CCDC141: variants seen among roughly 807,000 people sequenced by gnomAD.
CCDC141 encodes the protein coiled-coil domain-containing protein 141.
CCDC141 carries 168 observed loss-of-function variants against 181.0 expected under a neutral mutation model. The ratio of observed to expected loss-of-function variants is 0.93; its 90% CI spans 0.82 to 1.05. The LOEUF is 1.05. CCDC141 is among the 50% of genes least tolerant of loss of function. CCDC141 has a pLI of 0.00. For synonymous variants in CCDC141, 666 were observed against 642.3 expected, an observed-to-expected ratio of 1.04 and a Z score of -0.56; for missense variants, 1,902 against 1,788.5, an observed-to-expected ratio of 1.06 and a Z score of -1.14.
At chr2:179,034,314 T>C (rs939262838) in intron 2 of CCDC141, among the ~76,000 whole-genome samples, 1 of 152,102 alleles carries the variant, frequency 6.6e-6, no homozygotes, top group East Asian at 1.9e-4. Context: ...AATGGACACA[T>C]GGAGGGGAAC....
downstream of CCDC141, among the ~76,000 whole-genome samples, chr2:178,829,538 C>G (rs926721718): frequency 2.0e-5 from 3 of 152,206 alleles, no homozygotes; most frequent in Non-Finnish European, 4.4e-5. Context: ...CTGTGTGCTT[C>G]CTGTTTTTGA....
At chr2:178,928,473 T>C (rs1244922319) in intron 6 of CCDC141, among the ~76,000 whole-genome samples, 2 of 152,274 alleles carry the variant, frequency 1.3e-5, no homozygotes, top group Non-Finnish European at 2.9e-5. Flanking sequence ...ATTATCATGA[T>C]AGCAAAATAC....
intron 10 of CCDC141, among the ~76,000 whole-genome samples, 166 bp from the exon 11 acceptor site, chr2:178,885,258 A>AAG (rs1553477970): frequency 2.6e-5 from 4 of 151,630 alleles, no homozygotes; most frequent in African/African-American, 9.7e-5. Context: ...AAAAAAAAAA[A>AAG]GGGCACTTTA....
rs1295867575 is a variant in CCDC141, at chr2:178,975,138, C to T, written c.445G>A (p.Asp149Asn). 1 of 1,511,052 alleles carries T rather than the reference C, an allele frequency of 6.6e-7. No homozygotes were observed. Among genetic ancestry groups the T allele is most frequent in the South Asian group, 1.3e-5 (1 of 79,678 alleles). 93.6% of individuals were successfully genotyped at this position (1,511,052 alleles called of 1,614,324 possible). ...EFAIKIDQAE[D>N]FLQNTHEFES... is the part of the protein sequence containing the mutation. The stretch of plus-strand genomic sequence containing the variant: ...AACTCATGAGTATTCTGGAGGAAAT[C>T]TTCAGCTTGGTCTATTTTAATAGCA... The change falls in exon 4 of 24, where the codon GAT becomes AAT. Residue 149 changes from aspartate (D) to asparagine (N), a missense_variant. Coordinates refer to ENST00000443758, the MANE Select transcript of CCDC141 (RefSeq NM_173648.4).
At chr2:178,828,208 G>C (rs924589349), downstream of CCDC141, among the ~76,000 whole-genome samples, 2 of 152,066 alleles carry the variant, frequency 1.3e-5, no homozygotes, top group African/African-American at 4.8e-5. Flanking sequence ...CTAACTTCTC[G>C]GGGAGTTCCC....
chr2:178,947,550 T>C (rs1002272664), intron 5 of CCDC141, among the ~76,000 whole-genome samples: 1 of 152,326 alleles, frequency 6.6e-6, no homozygotes, highest in African/African-American at 2.4e-5. Flanking sequence ...TTCTAGGTAC[T>C]TGATGCCCAG....
chr2:178,914,693 A>G (rs567921604), intron 7 of CCDC141, among the ~76,000 whole-genome samples: 24 of 152,206 alleles, frequency 1.6e-4, no homozygotes, highest in Non-Finnish European at 3.4e-4. Context: ...GTTCTCTGCT[A>G]TTTATTTTCT....
At chr2:178,955,683 C>T (rs1472198846) in intron 5 of CCDC141, among the ~76,000 whole-genome samples, 2 of 151,928 alleles carry the variant, frequency 1.3e-5, no homozygotes, top group Non-Finnish European at 2.9e-5. Flanking sequence ...TGACTATGCT[C>T]ACGCTTGGAT....
chr2:178,958,108 AT>A (rs1350194479), intron 5 of CCDC141, among the ~76,000 whole-genome samples: 1 of 152,204 alleles, frequency 6.6e-6, no homozygotes, highest in African/African-American at 2.4e-5. Context: ...AACAGTAAAG[AT>A]TAGTGTTTAC....
At chr2:178,970,240 C>G (rs1314791480) in intron 4 of CCDC141, among the ~76,000 whole-genome samples, 1 of 152,168 alleles carries the variant, frequency 6.6e-6, no homozygotes, top group African/African-American at 2.4e-5. Flanking sequence ...CAAGCTACCA[C>G]TGACTTTCTT....
At chr2:179,033,681 T>G (rs997442453) in intron 2 of CCDC141, among the ~76,000 whole-genome samples, 3 of 152,190 alleles carry the variant, frequency 2.0e-5, no homozygotes, top group African/African-American at 7.2e-5. Flanking sequence ...CTAGAACCTT[T>G]TTGTCATACT....
chr2:178,933,110 T>C (rs1689160104), intron 6 of CCDC141, among the ~76,000 whole-genome samples: 1 of 152,204 alleles, frequency 6.6e-6, no homozygotes, highest in Non-Finnish European at 1.5e-5. Context: ...GATTAGATGA[T>C]GAATTGTGGA....
chr2:179,032,439 C>T (rs1358014661), intron 2 of CCDC141, among the ~76,000 whole-genome samples: 1 of 152,194 alleles, frequency 6.6e-6, no homozygotes, highest in East Asian at 1.9e-4. Flanking sequence ...GATTTTCCCT[C>T]TCCCTCTCTG....
At chr2:178,991,662 T>C (rs530836950) in intron 2 of CCDC141, among the ~76,000 whole-genome samples, 2 of 152,138 alleles carry the variant, frequency 1.3e-5, no homozygotes, top group Admixed American at 6.5e-5. Context: ...TATTTCAAAA[T>C]AACTAAAAGT....
intron 7 of CCDC141, among the ~76,000 whole-genome samples, chr2:178,916,900 G>A (rs1261048907): frequency 2.0e-5 from 3 of 151,386 alleles, no homozygotes; most frequent in Non-Finnish European, 4.4e-5. Context: ...CTGAATTACT[G>A]TATGAGTTTG....
intron 2 of CCDC141, among the ~76,000 whole-genome samples, chr2:179,010,641 C>A (rs2042240973): frequency 6.6e-6 from 1 of 152,044 alleles, no homozygotes; most frequent in African/African-American, 2.4e-5. Context: ...ACAGGAACTG[C>A]TAAAAGCTCT....
intron 8 of CCDC141, among the ~76,000 whole-genome samples, chr2:178,904,893 G>A (rs1687887886): frequency 6.6e-6 from 1 of 152,092 alleles, no homozygotes; most frequent in Admixed American, 6.6e-5. Flanking sequence ...TGCATGGTGA[G>A]CCACCAAGGT....
At chr2:178,875,063 A>C (rs1686298938) in intron 12 of CCDC141, 1 of 151,798 alleles carries the variant, frequency 6.6e-6, no homozygotes, top group Admixed American at 6.6e-5. Flanking sequence ...TGCAAACACA[A>C]CTCTGCCAGC....
intron 6 of CCDC141, among the ~76,000 whole-genome samples, chr2:178,935,274 C>T (rs913514195): frequency 1.3e-5 from 2 of 152,140 alleles, no homozygotes; most frequent in Non-Finnish European, 2.9e-5. Flanking sequence ...TTCCTTCCCC[C>T]ATCCTCCACC....
Sources: gnomAD v4.1 joint callset for allele counts (sites outside exome capture counted in the v4.1 genomes callset) on GRCh38, gnomAD v4.1.1 for gene constraint, MANE v1.5 for transcripts, NCBI Gene and HGNC (gene_info 2026-07-23, HGNC 2026-07-21) for gene names.